GLIS3: variants seen among roughly 807,000 people sequenced by gnomAD.
GLIS3 encodes the protein GLIS family zinc finger 3.
Under a neutral mutation model 78.6 loss-of-function variants are expected in GLIS3, and 53 were observed. The observed-to-expected ratio is 0.67, with a 90% CI of 0.54 to 0.85. The LOEUF is 0.85. Ranked by LOEUF, GLIS3 falls within the 40% of genes least tolerant of loss-of-function variation. The probability of loss-of-function intolerance (pLI) is 0.00; values close to 1 mark genes in which losing one functional copy is unlikely to be tolerated. For missense variants in GLIS3, 1,703 were observed against 1,231.1 expected, an observed-to-expected ratio of 1.38 and a Z score of -5.74; for synonymous variants, 684 against 509.9, an observed-to-expected ratio of 1.34 and a Z score of -4.60.
At position 4,119,203 on chromosome 9, in the gene GLIS3, A is replaced by G. The variant is rs142755605; in HGVS notation, c.597-322T>C. Reference sequence around the variant, plus strand: ...TTAAATAACTTTTTCAATATGGGGGAAAAAGGATAGAGACCTGGGAAAAAT... The same window carrying G: ...TTAAATAACTTTTTCAATATGGGGGGAAAAGGATAGAGACCTGGGAAAAAT... On this transcript the variant is annotated intron_variant, in intron 3 of 10. Transcript: ENST00000381971. 2.9e-4 allele frequency among the ~76,000 whole-genome samples: 44 copies of G among 152,312 alleles called. 1 individual carries two copies. The East Asian group carries it at 7.1e-3, about 25-fold the overall frequency.
chr9:4,452,394 C>CA, the GLIS3 span, among the ~76,000 whole-genome samples: 1 of 152,110 alleles, frequency 6.6e-6, no homozygotes, highest in African/African-American at 2.4e-5. Context: ...TCTCTGTTTG[C>CA]AGATGACATG....
intron 4 of GLIS3, among the ~76,000 whole-genome samples, chr9:4,008,231 T>C (rs1383185759): frequency 6.6e-6 from 1 of 152,106 alleles, no homozygotes; most frequent in African/African-American, 2.4e-5. Context: ...GTCCCAGCAA[T>C]ACATCCTGCT....
At chr9:3,909,828 G>A (rs1278655066) in intron 6 of GLIS3, among the ~76,000 whole-genome samples, 1 of 152,216 alleles carries the variant, frequency 6.6e-6, no homozygotes, top group Non-Finnish European at 1.5e-5. Context: ...AAATTTCTGT[G>A]ACGATGGAAA....
At chr9:4,210,461 C>G (rs986092454) in intron 2 of GLIS3, among the ~76,000 whole-genome samples, 1 of 152,190 alleles carries the variant, frequency 6.6e-6, no homozygotes, top group East Asian at 1.9e-4. Flanking sequence ...GCAACATGCT[C>G]TGAATTAGAA....
At chr9:4,209,657 T>G (rs555760625) in intron 2 of GLIS3, among the ~76,000 whole-genome samples, 1 of 152,328 alleles carries the variant, frequency 6.6e-6, no homozygotes, top group East Asian at 1.9e-4. Flanking sequence ...AGAGCCTTCA[T>G]AGAATTCCTA....
the GLIS3 span, among the ~76,000 whole-genome samples, chr9:4,358,491 G>A: frequency 6.6e-6 from 1 of 152,310 alleles, no homozygotes; most frequent in Non-Finnish European, 1.5e-5. Context: ...GATGTTAGGA[G>A]TGGTGAATTA....
the GLIS3 span, among the ~76,000 whole-genome samples, chr9:4,442,234 G>A: frequency 6.6e-6 from 1 of 152,256 alleles, no homozygotes. Context: ...CAATTTGTTG[G>A]TGTATAATTG....
chr9:4,388,305 A>T, the GLIS3 span, among the ~76,000 whole-genome samples: 1 of 152,108 alleles, frequency 6.6e-6, no homozygotes, highest in Non-Finnish European at 1.5e-5. Flanking sequence ...ACTCGGGAAA[A>T]GCTGTTCACA....
intron 2 of GLIS3, among the ~76,000 whole-genome samples, chr9:4,188,431 C>A (rs1270001772): frequency 3.9e-4 from 59 of 149,376 alleles, no homozygotes; most frequent in African/African-American, 1.4e-3. Context: ...CATCAATGTT[C>A]ATCAAGGATA....
the GLIS3 span, among the ~76,000 whole-genome samples, chr9:4,479,862 C>A: frequency 2.0e-5 from 3 of 150,858 alleles, no homozygotes; most frequent in Non-Finnish European, 4.4e-5. Flanking sequence ...GTCTCCCTTC[C>A]TTCTTCCCAT....
chr9:4,440,916 T>A, the GLIS3 span, among the ~76,000 whole-genome samples: 11 of 152,158 alleles, frequency 7.2e-5, no homozygotes, highest in Non-Finnish European at 1.0e-4. Context: ...TGGTAGTTAT[T>A]ATAAATAGAA....
intron 8 of GLIS3, among the ~76,000 whole-genome samples, chr9:3,857,220 T>A (rs1372768016): frequency 6.6e-6 from 1 of 152,246 alleles, no homozygotes; most frequent in Non-Finnish European, 1.5e-5. Flanking sequence ...CCCAGTAAGC[T>A]GAAAACTTTT....
intron 8 of GLIS3, among the ~76,000 whole-genome samples, chr9:3,865,364 G>A (rs530693987): frequency 8.5e-5 from 13 of 152,232 alleles, no homozygotes; most frequent in Admixed American, 2.6e-4. Context: ...TCTAGATCGC[G>A]CCTTTAAAAG....
intron 4 of GLIS3, among the ~76,000 whole-genome samples, chr9:4,101,555 C>T (rs938586585): frequency 6.6e-6 from 1 of 152,122 alleles, no homozygotes. Flanking sequence ...GGGTAGAACA[C>T]GTTAGCTAAA....
At chr9:3,829,569 C>A in intron 9 of GLIS3, 77 bp from the exon 10 acceptor site, 1 of 1,473,026 alleles carries the variant, frequency 6.8e-7, no homozygotes. Context: ...CAGCTAGAAC[C>A]TCACTCAGCC....
chr9:3,915,360 G>T (rs1253650759), intron 6 of GLIS3, among the ~76,000 whole-genome samples: 1 of 152,006 alleles, frequency 6.6e-6, no homozygotes, highest in African/African-American at 2.4e-5. Flanking sequence ...GAATGATGAG[G>T]ACTGTCAGTG....
chr9:4,455,054 G>C, the GLIS3 span, among the ~76,000 whole-genome samples: 1 of 152,078 alleles, frequency 6.6e-6, no homozygotes, highest in Non-Finnish European at 1.5e-5. Context: ...CCAGAGTCCT[G>C]GGTGGATAGG....
intron 4 of GLIS3, among the ~76,000 whole-genome samples, chr9:4,306,218 T>C (rs1359436316): frequency 2.6e-5 from 4 of 151,942 alleles, no homozygotes; most frequent in Non-Finnish European, 4.4e-5. Flanking sequence ...GAGCTGGGAC[T>C]ACAGGTGCGT....
At chr9:4,330,618 G>A (rs1020738595) in intron 2 of GLIS3, among the ~76,000 whole-genome samples, 7 of 149,360 alleles carry the variant, frequency 4.7e-5, no homozygotes, top group African/African-American at 1.7e-4. Context: ...AGGTGGAGGT[G>A]AAGGTTGGAT....
Sources: gnomAD v4.1 joint callset for allele counts (sites outside exome capture counted in the v4.1 genomes callset) on GRCh38, gnomAD v4.1.1 for gene constraint, MANE v1.5 for transcripts, NCBI Gene and HGNC (gene_info 2026-07-23, HGNC 2026-07-21) for gene names.